SNTB2: variants seen among roughly 807,000 people sequenced by gnomAD.
SNTB2 encodes beta-2-syntrophin.
A neutral mutation model predicts 46.2 loss-of-function variants in SNTB2; 34 were observed. The ratio of observed to expected loss-of-function variants is 0.74; its 90% CI spans 0.56 to 0.98. The LOEUF (loss-of-function observed/expected upper bound fraction) is 0.98, where lower values mean the gene tolerates loss of function less well. Among genes scored for constraint, SNTB2 ranks in the 50% least tolerant of loss-of-function variants. The probability of loss-of-function intolerance (pLI) is 0.00; values close to 1 mark genes in which losing one functional copy is unlikely to be tolerated. For missense variants in SNTB2, 603 were observed against 731.4 expected (o/e 0.82, Z 2.02); for synonymous variants, 290 against 312.6 (o/e 0.93, Z 0.76).
chr16:69,190,992 C>G (rs941554573), intron 1 of SNTB2: 1 of 151,954 alleles, frequency 6.6e-6, no homozygotes, highest in Admixed American at 6.6e-5. Flanking sequence ...AGGTATGCCA[C>G]CAGTTAACAA....
intron 1 of SNTB2, among the ~76,000 whole-genome samples, chr16:69,219,853 C>CA (rs1456180514): frequency 6.6e-6 from 1 of 151,934 alleles, no homozygotes; most frequent in Non-Finnish European, 1.5e-5. Context: ...CTGGTTTAAG[C>CA]AATTCTCCTG....
chr16:69,245,411 C>T (rs1385229070), intron 1 of SNTB2, among the ~76,000 whole-genome samples, 191 bp from the exon 2 acceptor site: 1 of 152,018 alleles, frequency 6.6e-6, no homozygotes, highest in Non-Finnish European at 1.5e-5. Flanking sequence ...ACCAGGCTGG[C>T]CTTGAACTCC....
intron 4 of SNTB2, among the ~76,000 whole-genome samples, chr16:69,273,532 C>T (rs1405001121): frequency 6.6e-6 from 1 of 152,096 alleles, no homozygotes; most frequent in Non-Finnish European, 1.5e-5. Flanking sequence ...TAGGCAAACC[C>T]AGGATAGACA....
At chr16:69,239,346 T>C (rs965056266) in intron 1 of SNTB2, among the ~76,000 whole-genome samples, 8 of 152,204 alleles carry the variant, frequency 5.3e-5, no homozygotes, top group African/African-American at 9.7e-5. Context: ...GTAATTATCA[T>C]ACTGTACAAT....
intron 1 of SNTB2, among the ~76,000 whole-genome samples, chr16:69,207,984 T>A (rs12925547): frequency 6.8e-6 from 1 of 147,784 alleles, no homozygotes; most frequent in South Asian, 2.1e-4. Context: ...TGGTGCTCGC[T>A]GGTAATCCCA....
At chr16:69,268,818 T>C (rs969776086) in intron 3 of SNTB2, among the ~76,000 whole-genome samples, 1 of 150,346 alleles carries the variant, frequency 6.7e-6, no homozygotes, top group Non-Finnish European at 1.5e-5. Context: ...TAAGCAGAAA[T>C]CGCGCCGCTG....
Position 69,224,294 on chromosome 16 carries a change from C to T in SNTB2, c.581-21308C>T, listed in dbSNP as rs187676796. Among the ~76,000 whole-genome samples the T allele has an allele frequency of 1.7e-4, 26 of 150,304 alleles. No homozygotes were observed. In the East Asian group the frequency reaches 5.1e-3, roughly 30 times the overall value. On this transcript the variant is annotated intron_variant, in intron 1 of 6. Coordinates refer to ENST00000336278, the MANE Select transcript of SNTB2 (RefSeq NM_006750.4). Reference sequence around the variant, plus strand: ...TGGTGCGATCTTGGCTCACTGCAACCTCTGCCTCCCAGGTTCAAGCGATTC... The same window carrying T: ...TGGTGCGATCTTGGCTCACTGCAACTTCTGCCTCCCAGGTTCAAGCGATTC...
At chr16:69,256,144 C>T (rs564442123) in intron 2 of SNTB2, among the ~76,000 whole-genome samples, 1 of 151,830 alleles carries the variant, frequency 6.6e-6, no homozygotes, top group Non-Finnish European at 1.5e-5. Context: ...CAAGATCGGG[C>T]CACTGCACTC....
At position 69,304,423 on chromosome 16, in the gene SNTB2, G is replaced by A. The variant is rs956431674; in HGVS notation, c.*3499G>A. The A allele has an allele frequency of 6.6e-6, 1 of 152,558 alleles. No homozygotes were observed. Among genetic ancestry groups the A allele is most frequent in the Admixed American group, 6.5e-5 (1 of 15,270 alleles). The allele number at this position is 152,558 out of a possible 1,614,324, so 9.5% of individuals were successfully genotyped here. On this transcript the variant is annotated 3_prime_UTR_variant, in exon 7 of 7. Coordinates refer to ENST00000336278, the MANE Select transcript of SNTB2 (RefSeq NM_006750.4). ...GCACTTTTTAGGCCAAAGAAGGTCT[G>A]ATAGTGCCTGTTTTTATGTTCTGTA...
At chr16:69,227,289 G>C (rs2152294429) in intron 1 of SNTB2, among the ~76,000 whole-genome samples, 1 of 152,294 alleles carries the variant, frequency 6.6e-6, no homozygotes, top group African/African-American at 2.4e-5. Context: ...AGTGATTCCA[G>C]CTATGAACTG....
intron 2 of SNTB2, among the ~76,000 whole-genome samples, chr16:69,253,440 G>A (rs935785142): frequency 2.6e-5 from 4 of 151,452 alleles, no homozygotes; most frequent in African/African-American, 9.7e-5. Flanking sequence ...ACGAGGTCAG[G>A]AGATCGAGAC....
intron 5 of SNTB2, 91 bp from the exon 6 acceptor site, chr16:69,299,499 T>G (rs1181146152): frequency 8.0e-7 from 1 of 1,244,166 alleles, no homozygotes; most frequent in Non-Finnish European, 1.1e-6. Context: ...CAAGAAAATA[T>G]TTTTCCTATT....
At position 69,206,404 on chromosome 16, in the gene SNTB2, A is replaced by G. The variant is rs148333999; in HGVS notation, c.580+18658A>G. Among the ~76,000 whole-genome samples, 455 of 152,258 alleles carry G rather than the reference A, an allele frequency of 3.0e-3. 4 individuals carry two copies. Among genetic ancestry groups the G allele is most frequent in the African/African-American group, 0.01 (427 of 41,566 alleles). ...GGTAATTAGTCTCTAATTTCCCTACAAGAAAATATTTTCTAGGCCAGGCGC... is the reference window on the plus strand; with the variant it reads ...GGTAATTAGTCTCTAATTTCCCTACGAGAAAATATTTTCTAGGCCAGGCGC... On this transcript the variant is annotated intron_variant, in intron 1 of 6. Coordinates refer to ENST00000336278, the MANE Select transcript of SNTB2 (RefSeq NM_006750.4).
intron 1 of SNTB2, among the ~76,000 whole-genome samples, chr16:69,222,510 T>C (rs1385985350): frequency 1.3e-5 from 2 of 151,768 alleles, no homozygotes; most frequent in Non-Finnish European, 2.9e-5. Flanking sequence ...GGAGAATCAC[T>C]TGAACCTGGG....
intron 1 of SNTB2, chr16:69,235,773 G>GACCA: frequency 7.8e-7 from 1 of 1,289,330 alleles, no homozygotes; most frequent in Non-Finnish European, 1.0e-6. Context: ...ATTTCTGTCT[G>GACCA]ACCAATATCA....
chr16:69,271,777 T>G (rs990616552), intron 4 of SNTB2, among the ~76,000 whole-genome samples: 1 of 152,224 alleles, frequency 6.6e-6, no homozygotes, highest in Admixed American at 6.5e-5. Flanking sequence ...TTTTTTAAAA[T>G]GTGTGCACCT....
intron 4 of SNTB2, among the ~76,000 whole-genome samples, chr16:69,281,908 T>C (rs1172618098): frequency 1.0e-3 from 148 of 147,240 alleles, no homozygotes; most frequent in African/African-American, 3.5e-3. Flanking sequence ...TTTCTCTCTT[T>C]TTTTTTTTTT....
intron 2 of SNTB2, among the ~76,000 whole-genome samples, chr16:69,253,565 C>T (rs1438405147): frequency 1.3e-5 from 2 of 152,060 alleles, no homozygotes; most frequent in Non-Finnish European, 2.9e-5. Context: ...AGGAGAATGG[C>T]GTGAACCCAG....
In SNTB2 at chr16:69,307,404, T is replaced by G. The variant is rs1965324340; in HGVS notation, c.*6480T>G. ...TTTTTTTTTTAGTGCAAATTTAGACTTTAGTTTGGGAAAGAGAACAGTATA... is the reference window on the plus strand; with the variant it reads ...TTTTTTTTTTAGTGCAAATTTAGACGTTAGTTTGGGAAAGAGAACAGTATA... On this transcript the variant is annotated 3_prime_UTR_variant, in exon 7 of 7. Transcript: ENST00000336278. 2 of 152,198 alleles carry G rather than the reference T, an allele frequency of 1.3e-5. No individual in the cohort carries two copies. The highest frequency in any genetic ancestry group is 2.9e-5 in the Non-Finnish European group (2 of 68,026). 9.4% of individuals were successfully genotyped at this position (152,198 alleles called of 1,614,324 possible). A position where few individuals can be genotyped will look rare whatever the true frequency, so the allele number is the denominator to read the frequency against.
Sources: gnomAD v4.1 joint callset for allele counts (sites outside exome capture counted in the v4.1 genomes callset) on GRCh38, gnomAD v4.1.1 for gene constraint, MANE v1.5 for transcripts, NCBI Gene and HGNC (gene_info 2026-07-23, HGNC 2026-07-21) for gene names.